FBXO17: variants seen among roughly 807,000 people sequenced by gnomAD.
FBXO17 encodes the protein F-box protein 17, also known as F-box only protein 17.
A neutral mutation model predicts 34.1 loss-of-function variants in FBXO17; 43 were observed. The ratio of observed to expected loss-of-function variants is 1.26; its 90% CI spans 0.99 to 1.62. The LOEUF (loss-of-function observed/expected upper bound fraction) is 1.62. FBXO17 is among the 40% of genes most tolerant of loss of function. The pLI is 0.00. For synonymous variants in FBXO17, 169 were observed against 166.0 expected (o/e 1.02, Z -0.14); for missense variants, 424 against 386.7 (o/e 1.10, Z -0.81).
chr19:38,955,621 C>T (rs1211874559), intron 1 of FBXO17, among the ~76,000 whole-genome samples: 2 of 151,554 alleles, frequency 1.3e-5, no homozygotes, highest in Admixed American at 6.6e-5. Context: ...TTAGCTGGGA[C>T]TACAGGTGCG....
At chr19:38,946,630 G>A (rs2278412) in intron 3 of FBXO17, 63 bp from the exon 4 acceptor site, 1,046,903 of 1,594,850 alleles carry the variant, frequency 0.66, 350,156 homozygotes, top group East Asian at 0.96. Flanking sequence ...ACAGTCAGAA[G>A]CCACCTCCTC....
intron 1 of FBXO17, among the ~76,000 whole-genome samples, chr19:38,959,660 G>A (rs1975219866): frequency 6.6e-6 from 1 of 152,052 alleles, no homozygotes; most frequent in Non-Finnish European, 1.5e-5. Context: ...GGAGGCTGAG[G>A]TGGGAGGATC....
intron 3 of FBXO17, among the ~76,000 whole-genome samples, chr19:38,947,588 A>G (rs1036480707): frequency 6.6e-6 from 1 of 152,098 alleles, no homozygotes; most frequent in Non-Finnish European, 1.5e-5. Flanking sequence ...CTCTATCTCA[A>G]AAAACAAAAA....
intron 1 of FBXO17, among the ~76,000 whole-genome samples, chr19:38,954,891 TTA>T (rs1417294618): frequency 4.4e-5 from 5 of 113,562 alleles, no homozygotes; most frequent in African/African-American, 1.5e-4. Context: ...TGACAATGTG[TTA>T]TTTTATTATT....
chr19:38,954,218 T>G (rs892974296), intron 1 of FBXO17, among the ~76,000 whole-genome samples: 1 of 151,762 alleles, frequency 6.6e-6, no homozygotes, highest in Non-Finnish European at 1.5e-5. Flanking sequence ...CAGGGTCTCA[T>G]GCAGGAGGAA....
At chr19:38,970,727 GTTTGA>G (rs1422504358) in intron 1 of FBXO17, among the ~76,000 whole-genome samples, 1 of 152,112 alleles carries the variant, frequency 6.6e-6, no homozygotes, top group Non-Finnish European at 1.5e-5. Flanking sequence ...GCCTATTAGT[GTTTGA>G]TTACACAAAT....
chr19:38,945,050 C>T lies in FBXO17; in HGVS notation c.612G>A (p.Leu204=). Residue 204 remains leucine, a synonymous_variant, in exon 5 of 6, where the codon CTG becomes CTA. Coordinates refer to ENST00000292852, the MANE Select transcript of FBXO17 (RefSeq NM_024907.7). ...GCVYQLRVRL[L]DVYEKEVVKF... Reference sequence around the variant, plus strand: ...TGACCACTTCCTTTTCATACACATCCAGAAGGCGGACCCGGAGCTGGTAGA... The same window carrying T: ...TGACCACTTCCTTTTCATACACATCTAGAAGGCGGACCCGGAGCTGGTAGA... 1 of 1,614,210 alleles carries T rather than the reference C, an allele frequency of 6.2e-7. No homozygotes were observed. Among genetic ancestry groups the T allele is most frequent in the South Asian group, 1.1e-5 (1 of 91,086 alleles).
intron 5 of FBXO17, chr19:38,944,628 T>C: frequency 4.1e-6 from 1 of 245,674 alleles, no homozygotes; most frequent in Non-Finnish European, 7.2e-6. Context: ...AGCTCTGCAC[T>C]GGACCAGTCA....
chr19:38,946,421 C>T (rs1417035134), intron 4 of FBXO17, 51 bp downstream of exon 4: 2 of 1,610,430 alleles, frequency 1.2e-6, no homozygotes, highest in Admixed American at 3.4e-5. Context: ...TGTTGCAGAG[C>T]CGCTGCCAAG....
rs757429154 is a variant in FBXO17 at position 38,942,761 on chromosome 19, G to T, written c.694-10C>A. The T allele has an allele frequency of 6.3e-7, 1 of 1,598,740 alleles. No homozygotes were observed. The highest frequency in any genetic ancestry group is 1.4e-5 in the African/African-American group (1 of 73,776). On this transcript the variant is annotated splice_polypyrimidine_tract_variant and intron_variant, in intron 5 of 5. Transcript: ENST00000292852. The stretch of plus-strand genomic sequence containing the variant: ...TGAAGACGTGGGAGACCTGCAGGGG[G>T]AAGGGGAGTGAGAGGGTGAGGGCCT...
intron 1 of FBXO17, among the ~76,000 whole-genome samples, chr19:38,954,037 G>A (rs1975125437): frequency 6.6e-6 from 1 of 152,168 alleles, no homozygotes; most frequent in South Asian, 2.1e-4. Flanking sequence ...CTAGAAGACA[G>A]GAGGAAGGAG....
At chr19:38,946,273 G>C in intron 4 of FBXO17, 199 bp downstream of exon 4, 1 of 872,260 alleles carries the variant, frequency 1.1e-6, no homozygotes, top group Non-Finnish European at 1.7e-6. Context: ...GGGTGGGCAG[G>C]AGTGCAGAGT....
intron 2 of FBXO17, 85 bp downstream of exon 2, chr19:38,949,886 C>T: frequency 7.1e-7 from 1 of 1,406,226 alleles, no homozygotes; most frequent in Non-Finnish European, 9.3e-7. Flanking sequence ...CCATTGGCTA[C>T]ATCTCTCAGA....
chr19:38,950,282 T>C lies in FBXO17; in HGVS notation c.38A>G (p.Asp13Gly). ...ARLSRRRLPADPSLALDALPP... is the reference protein window; with the variant it reads ...ARLSRRRLPAGPSLALDALPP... ...CAGCGCGTCCAGGGCCAGGGATGGG[T>C]CCGCCGGCAGCCGTCGCCGCGATAG... is the stretch of plus-strand genomic sequence containing the variant. Residue 13 changes from aspartate (D) to glycine (G), a missense_variant, in exon 2 of 6, where the codon GAC (aspartate) becomes GGC (glycine). Transcript: ENST00000292852. The C allele has an allele frequency of 1.4e-6, 2 of 1,449,038 alleles. No individual in the cohort carries two copies. The highest frequency in any genetic ancestry group is 1.8e-6 in the Non-Finnish European group (2 of 1,110,380). The allele number at this position is 1,449,038 out of a possible 1,614,324, so 89.8% of individuals were successfully genotyped here. A position where few individuals can be genotyped will look rare whatever the true frequency, so the allele number is the denominator to read the frequency against.
At chr19:38,949,579 G>A (rs1975039660) in intron 2 of FBXO17, among the ~76,000 whole-genome samples, 1 of 150,898 alleles carries the variant, frequency 6.6e-6, no homozygotes, top group African/African-American at 2.4e-5. Flanking sequence ...GCAGGCTGTA[G>A]TGCAATGGCA....
Position 38,946,536 on chromosome 19 carries a change from C to A in FBXO17, c.493G>T (p.Val165Leu). 1 of 1,614,052 alleles carries A rather than the reference C, an allele frequency of 6.2e-7. No individual in the cohort carries two copies. Among genetic ancestry groups the A allele is most frequent in the Non-Finnish European group, 8.5e-7 (1 of 1,179,942 alleles). ...WCSKRQLVDL[V>L]MEGVWQELLD... ...AGCTCCTGCCACACCCCTTCCATCACCAGGTCCACAAGCTGCCTCTTGGAG... is the reference window on the plus strand; with the variant it reads ...AGCTCCTGCCACACCCCTTCCATCAACAGGTCCACAAGCTGCCTCTTGGAG... The change falls in exon 4 of 6, where the codon GTG becomes TTG. Residue 165 changes from valine to leucine, a missense_variant. Transcript: ENST00000292852.
At chr19:38,956,601 C>T (rs1192153305) in intron 1 of FBXO17, among the ~76,000 whole-genome samples, 1 of 152,104 alleles carries the variant, frequency 6.6e-6, no homozygotes, top group Non-Finnish European at 1.5e-5. Context: ...TTGCTGTCAG[C>T]CAGGCACAGT....
At chr19:38,953,571 G>C (rs983961993) in intron 1 of FBXO17, among the ~76,000 whole-genome samples, 2 of 151,738 alleles carry the variant, frequency 1.3e-5, no homozygotes, top group African/African-American at 4.8e-5. Flanking sequence ...CAAGGCAGGA[G>C]AATTGCTTGA....
chr19:38,952,654 C>A, intron 1 of FBXO17: 1 of 533,716 alleles, frequency 1.9e-6, no homozygotes, highest in South Asian at 1.4e-5. Flanking sequence ...CGGCCGCTCC[C>A]GCTGCTCTTA....
Sources: gnomAD v4.1 joint callset for allele counts (sites outside exome capture counted in the v4.1 genomes callset) on GRCh38, gnomAD v4.1.1 for gene constraint, MANE v1.5 for transcripts, NCBI Gene and HGNC (gene_info 2026-07-23, HGNC 2026-07-21) for gene names.